Variants in TENM3 observed in about 807,000 individuals in gnomAD.
TENM3 encodes teneurin transmembrane protein 3.
A neutral mutation model predicts 255.1 loss-of-function variants in TENM3; 63 were observed. The ratio of observed to expected loss-of-function variants is 0.25; its 90% CI spans 0.20 to 0.30. TENM3 has a LOEUF of 0.30. Among genes scored for constraint, TENM3 ranks in the 10% least tolerant of loss-of-function variants. TENM3 has a pLI of 1.00. For synonymous variants in TENM3, 1,306 were observed against 1,322.3 expected, an observed-to-expected ratio of 0.99 and a Z score of 0.27; for missense variants, 2,929 against 3,461.1, an observed-to-expected ratio of 0.85 and a Z score of 3.86.
chr4:181,772,455 G>GTGA, the TENM3 span, among the ~76,000 whole-genome samples: 1 of 152,070 alleles, frequency 6.6e-6, no homozygotes, highest in Non-Finnish European at 1.5e-5. Context: ...GAAAAATTAA[G>GTGA]TGATAGCACT....
intron 2 of TENM3, among the ~76,000 whole-genome samples, chr4:182,333,022 A>C (rs2150563637): frequency 6.6e-6 from 1 of 152,328 alleles, no homozygotes; most frequent in South Asian, 2.1e-4. Context: ...GATGGAGCAA[A>C]CTTGTCAACA....
At chr4:182,303,434 G>T (rs1329496661) in intron 1 of TENM3, among the ~76,000 whole-genome samples, 1 of 152,150 alleles carries the variant, frequency 6.6e-6, no homozygotes, top group Admixed American at 6.5e-5. Flanking sequence ...TGTTGTGTTG[G>T]TGGATGAGCA....
At chr4:182,224,412 G>A (rs1756021901) in intron 1 of TENM3, among the ~76,000 whole-genome samples, 1 of 152,176 alleles carries the variant, frequency 6.6e-6, no homozygotes. Flanking sequence ...TGTGTACCTT[G>A]TAGCCTAGCC....
At chr4:181,895,882 T>C in the TENM3 span, among the ~76,000 whole-genome samples, 1 of 152,088 alleles carries the variant, frequency 6.6e-6, no homozygotes. Context: ...CCCTCCACCA[T>C]GCCCGCCTCA....
the TENM3 span, among the ~76,000 whole-genome samples, chr4:182,064,712 CG>C: frequency 1.3e-5 from 2 of 152,092 alleles, no homozygotes; most frequent in Non-Finnish European, 2.9e-5. Flanking sequence ...TTGCTTGCCC[CG>C]GGGAGAGACT....
chr4:181,878,547 A>ACTT, the TENM3 span, among the ~76,000 whole-genome samples: 1 of 152,082 alleles, frequency 6.6e-6, no homozygotes, highest in African/African-American at 2.4e-5. Context: ...TTATTTCCAC[A>ACTT]CTTGTAAATG....
At chr4:182,052,405 G>C in the TENM3 span, among the ~76,000 whole-genome samples, 1 of 152,068 alleles carries the variant, frequency 6.6e-6, no homozygotes, top group Non-Finnish European at 1.5e-5. Flanking sequence ...CCCACCAACA[G>C]GTGGGAAATG....
the TENM3 span, among the ~76,000 whole-genome samples, chr4:182,125,909 G>C: frequency 6.6e-6 from 1 of 151,952 alleles, no homozygotes; most frequent in Non-Finnish European, 1.5e-5. Flanking sequence ...TGGGGGATTT[G>C]AAAGCGTATG....
At chr4:182,544,652 G>T (rs1741249335) in intron 3 of TENM3, among the ~76,000 whole-genome samples, 1 of 152,056 alleles carries the variant, frequency 6.6e-6, no homozygotes, top group Non-Finnish European at 1.5e-5. Context: ...TAGCTCTCAT[G>T]ACTATCAAAT....
chr4:182,274,978 C>T (rs1223304243), intron 1 of TENM3, among the ~76,000 whole-genome samples: 1 of 152,254 alleles, frequency 6.6e-6, no homozygotes, highest in African/African-American at 2.4e-5. Context: ...GCACGCACCA[C>T]CACACCTGGC....
Position 182,357,338 on chromosome 4 carries a change from T to C in TENM3, c.511+10409T>C, listed in dbSNP as rs879798483. 1.4e-3 allele frequency among the ~76,000 whole-genome samples: 212 copies of C among 152,012 alleles called. 1 individual carries two copies. Among genetic ancestry groups the C allele is most frequent in the South Asian group, 2.5e-3 (12 of 4,794 alleles). ...AACTAGTTTACAGTCCCACCAACAA[T>C]GTAAAAGTGTTCCTATTTCTCCACA... On this transcript the variant is annotated intron_variant, in intron 3 of 27. Coordinates refer to ENST00000511685, the MANE Select transcript of TENM3 (RefSeq NM_001080477.4).
At chr4:181,646,851 T>G in the TENM3 span, among the ~76,000 whole-genome samples, 2 of 152,222 alleles carry the variant, frequency 1.3e-5, no homozygotes, top group Non-Finnish European at 2.9e-5. Flanking sequence ...AAAAAAGATC[T>G]AATTTATTTA....
chr4:181,532,195 G>A, the TENM3 span, among the ~76,000 whole-genome samples: 1 of 152,164 alleles, frequency 6.6e-6, no homozygotes, highest in Admixed American at 6.5e-5. Context: ...GGAAAGCCAC[G>A]TGTATGAAAT....
chr4:182,063,415 G>A, the TENM3 span, among the ~76,000 whole-genome samples: 1 of 152,150 alleles, frequency 6.6e-6, no homozygotes, highest in Non-Finnish European at 1.5e-5. Context: ...CTCAATGTTG[G>A]TTCACGTAAG....
At chr4:181,811,940 T>C in the TENM3 span, among the ~76,000 whole-genome samples, 1 of 152,200 alleles carries the variant, frequency 6.6e-6, no homozygotes, top group African/African-American at 2.4e-5. Flanking sequence ...GAAAACTAGA[T>C]TGAGTGTGAT....
chr4:182,472,021 G>A (rs1455001978), intron 3 of TENM3, among the ~76,000 whole-genome samples: 2 of 152,058 alleles, frequency 1.3e-5, no homozygotes, highest in African/African-American at 2.4e-5. Flanking sequence ...TACCTAGGGG[G>A]AAATTTGTTG....
chr4:182,472,472 A>T lies in TENM3; in HGVS notation c.511+125543A>T, dbSNP rs553672551. 3.4e-4 allele frequency among the ~76,000 whole-genome samples: 52 copies of T among 152,266 alleles called. No homozygotes were observed. In the South Asian group the frequency reaches 4.1e-3, roughly 12 times the overall value. On this transcript the variant is annotated intron_variant, in intron 3 of 27. Transcript: ENST00000511685. ...TACTATTTAAAACTTTCTAGGTTTA[A>T]TTCATTGATAACAGAAAATGTGGCT...
In TENM3 at chr4:182,174,553, G is replaced by C. The variant is rs187545087; in HGVS notation, c.-76+29799G>C. 2.4e-3 allele frequency among the ~76,000 whole-genome samples: 353 copies of C among 144,416 alleles called. 1 individual carries two copies. Among genetic ancestry groups the C allele is most frequent in the African/African-American group, 7.6e-3 (308 of 40,496 alleles). 94.7% of individuals were successfully genotyped at this position (144,416 alleles called of 152,430 possible). ...ACACAAACACACACTTTAACAGGGA[G>C]GTTATGCCCCTTAAGCTCACCTGAA... On this transcript the variant is annotated intron_variant, in intron 1 of 2. Transcript: ENST00000512480.
chr4:182,010,185 C>T, the TENM3 span, among the ~76,000 whole-genome samples: 2 of 152,174 alleles, frequency 1.3e-5, no homozygotes, highest in Non-Finnish European at 2.9e-5. Context: ...TGATAAAATA[C>T]AGCTATTTAT....
Sources: allele counts gnomAD v4.1 joint callset (sites outside exome capture counted in the v4.1 genomes callset), GRCh38; gene constraint gnomAD v4.1.1; transcripts MANE v1.5; gene names NCBI Gene and HGNC (gene_info 2026-07-23, HGNC 2026-07-21).